The following KIAA1671 variants were observed in gnomAD, a reference collection of about 807,000 sequenced individuals.
The protein encoded by KIAA1671 is uncharacterized protein KIAA1671.
In KIAA1671, 52 loss-of-function variants were observed where a neutral mutation model predicts 131.2. The observed-to-expected ratio is 0.40, with a 90% confidence interval of 0.32 to 0.50. The LOEUF (loss-of-function observed/expected upper bound fraction) is 0.50, where lower values mean the gene tolerates loss of function less well. KIAA1671 is among the 20% of genes least tolerant of loss of function. The probability of loss-of-function intolerance (pLI) is 0.73; values close to 1 mark genes in which losing one functional copy is unlikely to be tolerated. For synonymous variants in KIAA1671, 1,003 were observed against 961.6 expected (o/e 1.04, Z -0.80); for missense variants, 2,360 against 2,364.2 (o/e 1.00, Z 0.04).
intron 6 of KIAA1671, among the ~76,000 whole-genome samples, chr22:25,120,071 C>T (rs1283977817): frequency 2.0e-5 from 3 of 152,192 alleles, no homozygotes; most frequent in Non-Finnish European, 4.4e-5. Context: ...GTGCCAGGCA[C>T]AGGTTGTTAC....
chr22:24,966,948 C>G (rs1021067253), intron 1 of KIAA1671, among the ~76,000 whole-genome samples: 2 of 152,116 alleles, frequency 1.3e-5, no homozygotes, highest in Non-Finnish European at 2.9e-5. Context: ...AGAGCAAGAG[C>G]CTGTCACAAA....
At position 25,093,858 on chromosome 22, in the gene KIAA1671, C is replaced by T. The variant is rs867485509; in HGVS notation, c.4530+44494C>T. ...TGTCTGTCTCTCTCTCTCTCTCTCT[C>T]TCTCTCTCTCTCTCTCTCTCTCTCT... On this transcript the variant is annotated intron_variant, in intron 6 of 12. Transcript: ENST00000358431. 4.8e-3 allele frequency among the ~76,000 whole-genome samples: 632 copies of T among 132,574 alleles called. 19 individuals are homozygous for T. Among genetic ancestry groups the T allele is most frequent in the Middle Eastern group, 0.012 (3 of 260 alleles). The allele number at this position is 132,574 out of a possible 152,430, so 87.0% of individuals were successfully genotyped here. A position where few individuals can be genotyped will look rare whatever the true frequency, so the allele number is the denominator to read the frequency against.
At chr22:25,121,951 G>A (rs1931965712) in intron 6 of KIAA1671, among the ~76,000 whole-genome samples, 1 of 152,254 alleles carries the variant, frequency 6.6e-6, no homozygotes, top group African/African-American at 2.4e-5. Context: ...TCCAGTATAC[G>A]CAGCTGGTTA....
intron 6 of KIAA1671, among the ~76,000 whole-genome samples, chr22:25,149,952 C>T (rs1243156180): frequency 1.3e-5 from 2 of 152,208 alleles, no homozygotes; most frequent in Admixed American, 6.5e-5. Context: ...GTCTGTGTTG[C>T]ATCCATTCCA....
intron 6 of KIAA1671, among the ~76,000 whole-genome samples, chr22:25,081,074 G>A (rs1929379017): frequency 6.6e-6 from 1 of 152,140 alleles, no homozygotes; most frequent in African/African-American, 2.4e-5. Flanking sequence ...ACTGCTGAAA[G>A]GAACCGTAAA....
At chr22:24,994,595 T>A (rs1020164963) in intron 1 of KIAA1671, among the ~76,000 whole-genome samples, 2 of 152,012 alleles carry the variant, frequency 1.3e-5, no homozygotes, top group Admixed American at 1.3e-4. Context: ...GTGGCACACC[T>A]CTTGTGAGGA....
intron 3 of KIAA1671, among the ~76,000 whole-genome samples, chr22:25,030,849 G>A (rs1004721962): frequency 6.6e-6 from 1 of 152,206 alleles, no homozygotes; most frequent in Non-Finnish European, 1.5e-5. Context: ...TGCAAAGGCA[G>A]GATCTCTGGG....
chr22:25,109,360 G>A (rs1167147142), intron 6 of KIAA1671, among the ~76,000 whole-genome samples: 5 of 151,978 alleles, frequency 3.3e-5, no homozygotes, highest in African/African-American at 7.3e-5. Flanking sequence ...CACCCGCCTC[G>A]GCCTCCCAAA....
intron 6 of KIAA1671, chr22:25,059,554 A>G (rs1025705940): frequency 6.6e-6 from 1 of 152,364 alleles, no homozygotes; most frequent in African/African-American, 2.4e-5. Context: ...AAACAGACAC[A>G]CAACAGACAG....
chr22:25,070,676 C>G (rs1024712231), intron 6 of KIAA1671, among the ~76,000 whole-genome samples: 1 of 151,782 alleles, frequency 6.6e-6, no homozygotes, highest in Non-Finnish European at 1.5e-5. Context: ...GGGCTTTCCT[C>G]CAGTCCTCAA....
intron 1 of KIAA1671, chr22:25,023,238 G>T (rs1192899972): frequency 1.3e-5 from 2 of 151,962 alleles, no homozygotes; most frequent in Admixed American, 6.6e-5. Context: ...TGTGGTGGTA[G>T]GTGCCTGTAA....
intron 6 of KIAA1671, among the ~76,000 whole-genome samples, chr22:25,090,112 T>C (rs1929950563): frequency 6.6e-6 from 1 of 152,204 alleles, no homozygotes; most frequent in African/African-American, 2.4e-5. Context: ...TCTGTGAGGA[T>C]CCAGGGAGTG....
intron 1 of KIAA1671, among the ~76,000 whole-genome samples, chr22:24,961,207 C>T (rs1448129691): frequency 2.6e-5 from 4 of 152,004 alleles, no homozygotes; most frequent in Non-Finnish European, 4.4e-5. Flanking sequence ...GCCACATTAC[C>T]CAGGCTAGTT....
At chr22:25,165,022 T>TGTGTGG (rs61396473) in intron 6 of KIAA1671, among the ~76,000 whole-genome samples, 2 of 140,070 alleles carry the variant, frequency 1.4e-5, no homozygotes, top group African/African-American at 5.4e-5. Context: ...TGTGTGTGTG[T>TGTGTGG]CTGTGGTTGA....
At chr22:25,079,558 C>T (rs145523938) in intron 6 of KIAA1671, among the ~76,000 whole-genome samples, 29 of 152,216 alleles carry the variant, frequency 1.9e-4, no homozygotes, top group African/African-American at 6.7e-4. Context: ...GACATTTGAA[C>T]AGAGACTTTA....
chr22:24,973,353 G>T (rs564646257), intron 1 of KIAA1671, among the ~76,000 whole-genome samples: 1 of 145,918 alleles, frequency 6.9e-6, no homozygotes, highest in South Asian at 2.1e-4. Context: ...CCCTGCTCTC[G>T]CTCCTCTCAG....
intron 8 of KIAA1671, chr22:25,174,848 G>A (rs1460354779): frequency 5.5e-6 from 1 of 182,686 alleles, no homozygotes; most frequent in Non-Finnish European, 1.1e-5. Context: ...TCACCCTGAG[G>A]TTTATAGTTG....
chr22:24,953,446 C>T (rs1353646882), intron 1 of KIAA1671, among the ~76,000 whole-genome samples: 1 of 152,032 alleles, frequency 6.6e-6, no homozygotes, highest in Non-Finnish European at 1.5e-5. Flanking sequence ...CGCGCGGGGC[C>T]CCTCGGACGC....
chr22:25,081,237 T>C (rs1929390863), intron 6 of KIAA1671, among the ~76,000 whole-genome samples: 1 of 151,932 alleles, frequency 6.6e-6, no homozygotes, highest in South Asian at 2.1e-4. Context: ...TGGACTGGAG[T>C]CTCTTAAAGT....
Sources: allele counts gnomAD v4.1 joint callset (sites outside exome capture counted in the v4.1 genomes callset), GRCh38; gene constraint gnomAD v4.1.1; transcripts MANE v1.5; gene names NCBI Gene and HGNC (gene_info 2026-07-23, HGNC 2026-07-21).